The following STK24 variants were observed in gnomAD, a reference collection of about 807,000 sequenced individuals.
The protein encoded by STK24 is serine/threonine-protein kinase 24.
A neutral mutation model predicts 55.6 loss-of-function variants in STK24; 21 were observed. The observed-to-expected ratio is 0.38, with a 90% confidence interval of 0.27 to 0.54. The LOEUF is 0.54. Among genes scored for constraint, STK24 ranks in the 20% least tolerant of loss-of-function variants. The probability of loss-of-function intolerance (pLI) is 0.79; values close to 1 mark genes in which losing one functional copy is unlikely to be tolerated. For missense variants in STK24, 383 were observed against 538.4 expected (o/e 0.71, Z 2.86); for synonymous variants, 200 against 215.2 (o/e 0.93, Z 0.62).
intron 2 of STK24, among the ~76,000 whole-genome samples, chr13:98,505,594 G>A (rs1298566050): frequency 6.6e-6 from 1 of 152,152 alleles, no homozygotes; most frequent in Non-Finnish European, 1.5e-5. Context: ...CTCATACCAA[G>A]CCAACCAAAA....
At position 98,453,072 on chromosome 13, in the gene STK24, C is replaced by T; in HGVS notation, c.*101G>A. Reference sequence around the variant, plus strand: ...CGCTGGGGTGGCTCCCAGTGGCGCACCTCTTCGGTGGAGTCAGCGAAGGCT... The same window carrying T: ...CGCTGGGGTGGCTCCCAGTGGCGCATCTCTTCGGTGGAGTCAGCGAAGGCT... On this transcript the variant is annotated 3_prime_UTR_variant, in exon 11 of 11. Transcript: ENST00000539966. 7.1e-7 allele frequency: 1 copy of T among 1,413,146 alleles called. No individual in the cohort carries two copies. The highest frequency in any genetic ancestry group is 9.8e-7 in the Non-Finnish European group (1 of 1,016,590). 87.5% of individuals were successfully genotyped at this position (1,413,146 alleles called of 1,614,324 possible). A position where few individuals can be genotyped will look rare whatever the true frequency, so the allele number is the denominator to read the frequency against.
In STK24 at chr13:98,448,392, G is replaced by C. The variant is rs1892996360; in HGVS notation, c.*4781C>G. The C allele has an allele frequency of 2.5e-6, 3 of 1,179,564 alleles. No homozygotes were observed. In the Admixed American group the frequency reaches 5.2e-5, roughly 20 times the overall value. 73.1% of individuals were successfully genotyped at this position (1,179,564 alleles called of 1,614,324 possible). A position where few individuals can be genotyped will look rare whatever the true frequency, so the allele number is the denominator to read the frequency against. On this transcript the variant is annotated 3_prime_UTR_variant, in exon 11 of 11. Transcript: ENST00000539966. ...CCTTTCTTCTGTATTAATGAAGCCTGGTAAAATTAACACCTGTCTGAAAAT... is the reference window on the plus strand; with the variant it reads ...CCTTTCTTCTGTATTAATGAAGCCTCGTAAAATTAACACCTGTCTGAAAAT...
At chr13:98,457,465 C>CTTTT (rs11351684) in intron 9 of STK24, among the ~76,000 whole-genome samples, 161 bp from the exon 10 acceptor site, 7 of 110,808 alleles carry the variant, frequency 6.3e-5, no homozygotes, top group African/African-American at 1.4e-4. Context: ...CTTCAAATTG[C>CTTTT]TTTTTTTTTT....
intron 2 of STK24, among the ~76,000 whole-genome samples, chr13:98,485,631 T>C (rs1323325864): frequency 2.0e-5 from 3 of 152,252 alleles, no homozygotes; most frequent in Admixed American, 6.5e-5. Context: ...CAAAGGGCTG[T>C]TACCGCCTTT....
chr13:98,482,368 GA>G (rs764050919), intron 2 of STK24, 47 bp from the exon 3 acceptor site: 103 of 1,250,554 alleles, frequency 8.2e-5, no homozygotes, highest in Non-Finnish European at 1.0e-4. Context: ...ATGAATCCAG[GA>G]AAATTTTTTT....
intron 6 of STK24, among the ~76,000 whole-genome samples, chr13:98,464,055 G>C (rs1481366880): frequency 6.6e-6 from 1 of 152,146 alleles, no homozygotes; most frequent in Non-Finnish European, 1.5e-5. Flanking sequence ...GTCTTTCCAA[G>C]GATGTCCCTA....
chr13:98,562,350 T>C (rs781753507), intron 1 of STK24, among the ~76,000 whole-genome samples: 4 of 152,134 alleles, frequency 2.6e-5, no homozygotes, highest in Admixed American at 6.5e-5. Context: ...TTATAGACCA[T>C]GTACGCATAA....
intron 5 of STK24, among the ~76,000 whole-genome samples, chr13:98,467,448 G>A (rs1454543308): frequency 6.6e-6 from 1 of 152,090 alleles, no homozygotes; most frequent in Admixed American, 6.5e-5. Context: ...TCTGAATCAG[G>A]ATCCAAAGTC....
chr13:98,500,390 T>A (rs1281235733), intron 2 of STK24, among the ~76,000 whole-genome samples: 1 of 152,192 alleles, frequency 6.6e-6, no homozygotes, highest in Non-Finnish European at 1.5e-5. Flanking sequence ...TGTCTTGATA[T>A]GGAATTGAAA....
chr13:98,463,960 A>G (rs1245993177), intron 6 of STK24, 124 bp from the exon 7 acceptor site: 1 of 1,144,760 alleles, frequency 8.7e-7, no homozygotes. Context: ...TCTCTACTCC[A>G]CAGCGCTTCT....
chr13:98,494,007 T>C (rs1367249573), intron 2 of STK24, among the ~76,000 whole-genome samples: 2 of 150,890 alleles, frequency 1.3e-5, no homozygotes, highest in African/African-American at 4.9e-5. Flanking sequence ...CATGCCCGGG[T>C]AATTTTTTGT....
chr13:98,483,485 C>A (rs1308778662), intron 2 of STK24, among the ~76,000 whole-genome samples: 4 of 152,150 alleles, frequency 2.6e-5, no homozygotes, highest in African/African-American at 7.2e-5. Flanking sequence ...AGGAAGACCC[C>A]TCAGTTCGCC....
intron 9 of STK24, 137 bp from the exon 10 acceptor site, chr13:98,457,441 AG>A: frequency 3.4e-6 from 3 of 876,380 alleles, no homozygotes; most frequent in Non-Finnish European, 5.1e-6. Flanking sequence ...AGCTTTGGCT[AG>A]GGCTCCAGGC....
chr13:98,567,344 C>T (rs1394947212), intron 1 of STK24, among the ~76,000 whole-genome samples: 3 of 150,752 alleles, frequency 2.0e-5, no homozygotes, highest in Admixed American at 6.6e-5. Flanking sequence ...CCGACCACCA[C>T]GGAACATACG....
intron 1 of STK24, among the ~76,000 whole-genome samples, chr13:98,567,105 A>G (rs1245910956): frequency 6.6e-6 from 1 of 152,242 alleles, no homozygotes; most frequent in Non-Finnish European, 1.5e-5. Flanking sequence ...CTTGAAGGCC[A>G]TACCCCAAAG....
intron 2 of STK24, among the ~76,000 whole-genome samples, chr13:98,517,451 C>A (rs1195936264): frequency 1.3e-5 from 2 of 152,084 alleles, no homozygotes; most frequent in Admixed American, 6.5e-5. Flanking sequence ...CATGGTGAAA[C>A]CCCATCTCTA....
chr13:98,494,987 AC>A (rs1895192951), intron 2 of STK24, among the ~76,000 whole-genome samples: 1 of 152,214 alleles, frequency 6.6e-6, no homozygotes, highest in Admixed American at 6.5e-5. Context: ...CTGTGGCAGC[AC>A]ATAAAACCCA....
intron 1 of STK24, among the ~76,000 whole-genome samples, chr13:98,534,484 C>A (rs1896659939): frequency 2.0e-5 from 3 of 152,166 alleles, no homozygotes; most frequent in Admixed American, 2.0e-4. Flanking sequence ...TGCCTGGGGA[C>A]TATACTACCT....
intron 1 of STK24, among the ~76,000 whole-genome samples, chr13:98,533,422 T>C (rs1473092721): frequency 6.6e-6 from 1 of 151,940 alleles, no homozygotes; most frequent in Admixed American, 6.6e-5. Context: ...AATATTTTAA[T>C]TAAGGAAAAC....
Sources: gnomAD v4.1 joint callset for allele counts (sites outside exome capture counted in the v4.1 genomes callset) on GRCh38, gnomAD v4.1.1 for gene constraint, MANE v1.5 for transcripts, NCBI Gene and HGNC (gene_info 2026-07-23, HGNC 2026-07-21) for gene names.